KCNMA1: variants seen among roughly 807,000 people sequenced by gnomAD.
The protein encoded by KCNMA1 is Calcium-activated potassium channel subunit alpha-1.
Under a neutral mutation model 140.0 loss-of-function variants are expected in KCNMA1, and 29 were observed. That is an observed-to-expected ratio of 0.21 (90% CI 0.15 to 0.28). The LOEUF is 0.28. Among genes scored for constraint, KCNMA1 ranks in the 10% least tolerant of loss-of-function variants. The probability of loss-of-function intolerance (pLI) is 1.00; values close to 1 mark genes in which losing one functional copy is unlikely to be tolerated. For missense variants in KCNMA1, 880 were observed against 1,602.2 expected (o/e 0.55, Z 7.70); for synonymous variants, 612 against 611.9 (o/e 1.00, Z 0.00).
chr10:77,139,063 A>C (rs2098113990), intron 5 of KCNMA1, among the ~76,000 whole-genome samples: 1 of 152,238 alleles, frequency 6.6e-6, no homozygotes, highest in South Asian at 2.1e-4. Flanking sequence ...CTCACTACCA[A>C]GTGCACCCTC....
downstream of KCNMA1, chr10:76,872,788 G>A (rs149120344): frequency 6.6e-6 from 1 of 152,262 alleles, no homozygotes; most frequent in East Asian, 1.9e-4. Flanking sequence ...GCAGTTCAAT[G>A]CAAACTCTTC....
At position 76,887,254 on chromosome 10, in the gene KCNMA1, T is replaced by C. The variant is rs200370487; in HGVS notation, c.*12A>G. The C allele has an allele frequency of 4.3e-6, 7 of 1,612,650 alleles. No homozygotes were observed. In the East Asian group the frequency reaches 6.7e-5, roughly 15 times the overall value. ...CAGATACAGTTTCACACAGTGGCGG[T>C]GGATACACATATCAAAGCCGCTCTT... On this transcript the variant is annotated 3_prime_UTR_variant, in exon 28 of 28. Coordinates refer to ENST00000286628, the MANE Select transcript of KCNMA1 (RefSeq NM_001161352.2).
intron 2 of KCNMA1, among the ~76,000 whole-genome samples, chr10:77,335,205 G>C (rs2088423029): frequency 6.6e-6 from 1 of 152,176 alleles, no homozygotes; most frequent in African/African-American, 2.4e-5. Context: ...TATAGTTGCA[G>C]GGGTAAATAG....
intron 15 of KCNMA1, among the ~76,000 whole-genome samples, chr10:77,028,876 G>C (rs558669684): frequency 6.6e-6 from 1 of 152,052 alleles, no homozygotes; most frequent in East Asian, 1.9e-4. Context: ...AACAAAAGGT[G>C]CAGTAAAATG....
intron 2 of KCNMA1, among the ~76,000 whole-genome samples, chr10:77,364,007 C>G (rs946740266): frequency 6.6e-6 from 1 of 152,180 alleles, no homozygotes; most frequent in African/African-American, 2.4e-5. Flanking sequence ...TTCTCTCGAC[C>G]AGTTTGCACA....
Position 76,942,881 on chromosome 10 carries a change from A to G in KCNMA1, c.2902+1892T>C, listed in dbSNP as rs2062935123. 1.3e-5 allele frequency among the ~76,000 whole-genome samples: 2 copies of G among 152,142 alleles called. 1 individual carries two copies. The highest frequency in any genetic ancestry group is 4.8e-5 in the African/African-American group (2 of 41,422). On this transcript the variant is annotated intron_variant, in intron 23 of 27. Transcript: ENST00000286628. Reference sequence around the variant, plus strand: ...CACTCCTCCCCAGGAGAGGAGGAGCATCTACCAAGGGTTGGTCACATCCTG... The same window carrying G: ...CACTCCTCCCCAGGAGAGGAGGAGCGTCTACCAAGGGTTGGTCACATCCTG...
At chr10:77,355,918 T>C (rs1233217491) in intron 2 of KCNMA1, among the ~76,000 whole-genome samples, 3 of 152,104 alleles carry the variant, frequency 2.0e-5, no homozygotes, top group Admixed American at 2.0e-4. Context: ...AACTCACGCA[T>C]TACTCAGTGA....
chr10:77,032,272 T>C (rs1016263037), intron 15 of KCNMA1, among the ~76,000 whole-genome samples: 4 of 152,218 alleles, frequency 2.6e-5, no homozygotes, highest in Admixed American at 6.5e-5. Flanking sequence ...CTTGCATCAC[T>C]CAACACCATT....
chr10:77,565,362 A>G (rs577378812), intron 1 of KCNMA1, among the ~76,000 whole-genome samples: 34 of 152,364 alleles, frequency 2.2e-4, no homozygotes, highest in African/African-American at 7.9e-4. Flanking sequence ...ACTTCTGAGC[A>G]CATTTTCCCA....
Position 76,944,762 on chromosome 10 carries a change from G to C in KCNMA1, c.2902+11C>G. ...CAGGCACAGCAAAGAAGTATTACAG[G>C]CTGTCCTTACCTTGGGAATTAGCCT... On this transcript the variant is annotated intron_variant, in intron 23 of 27. Coordinates refer to ENST00000286628, the MANE Select transcript of KCNMA1 (RefSeq NM_001161352.2). 1.2e-6 allele frequency: 2 copies of C among 1,612,658 alleles called. No homozygotes were observed. Among genetic ancestry groups the C allele is most frequent in the South Asian group, 2.2e-5 (2 of 91,050 alleles).
intron 15 of KCNMA1, among the ~76,000 whole-genome samples, chr10:77,038,512 C>G (rs1432873692): frequency 6.6e-6 from 1 of 152,044 alleles, no homozygotes; most frequent in African/African-American, 2.4e-5. Flanking sequence ...GCACAAAGAC[C>G]CCGTTCATCT....
chr10:77,060,536 A>G (rs1595007193), intron 14 of KCNMA1, among the ~76,000 whole-genome samples: 1 of 152,152 alleles, frequency 6.6e-6, no homozygotes, highest in East Asian at 1.9e-4. Context: ...TTGTCCCAGG[A>G]TTGATCACAC....
chr10:76,970,204 C>A, intron 19 of KCNMA1, 137 bp from the exon 20 acceptor site: 1 of 728,952 alleles, frequency 1.4e-6, no homozygotes, highest in South Asian at 1.5e-5. Flanking sequence ...GACCCAATGA[C>A]AAAGACCAAA....
chr10:76,885,765 C>T lies in KCNMA1; in HGVS notation c.*1501G>A. ...CTGCCTAAAGCATGATTTGCATGCACAAAGCATCTGACAACTATATGTTGA... is the reference window on the plus strand; with the variant it reads ...CTGCCTAAAGCATGATTTGCATGCATAAAGCATCTGACAACTATATGTTGA... On this transcript the variant is annotated 3_prime_UTR_variant, in exon 28 of 28. Coordinates refer to ENST00000286628, the MANE Select transcript of KCNMA1 (RefSeq NM_001161352.2). 1.0e-6 allele frequency: 1 copy of T among 985,162 alleles called. No individual in the cohort carries two copies. Among genetic ancestry groups the T allele is most frequent in the Non-Finnish European group, 1.2e-6 (1 of 829,804 alleles). 61.0% of individuals were successfully genotyped at this position (985,162 alleles called of 1,614,324 possible). A position where few individuals can be genotyped will look rare whatever the true frequency, so the allele number is the denominator to read the frequency against.
At chr10:77,503,417 G>C (rs2044638638) in intron 1 of KCNMA1, among the ~76,000 whole-genome samples, 1 of 151,948 alleles carries the variant, frequency 6.6e-6, no homozygotes, top group South Asian at 2.1e-4. Context: ...CTTCACTTCT[G>C]ACATTCTAGA....
intron 1 of KCNMA1, among the ~76,000 whole-genome samples, chr10:77,496,758 G>C (rs1008121774): frequency 5.4e-4 from 82 of 152,070 alleles, no homozygotes; most frequent in African/African-American, 1.9e-3. Flanking sequence ...TAAGGTAACT[G>C]AAGTTCAGCT....
At chr10:77,025,515 C>T (rs2093367591) in intron 16 of KCNMA1, 4 of 1,361,600 alleles carry the variant, frequency 2.9e-6, no homozygotes, top group African/African-American at 1.4e-5. Context: ...AATCGACTGA[C>T]ACCAGAAGGA....
chr10:77,597,034 T>G (rs1031968048), intron 1 of KCNMA1, among the ~76,000 whole-genome samples: 2 of 152,184 alleles, frequency 1.3e-5, no homozygotes, highest in Non-Finnish European at 2.9e-5. Flanking sequence ...CAGTGTCTAT[T>G]AATATTCTAT....
chr10:77,313,970 G>A (rs1320993826), intron 2 of KCNMA1: 1 of 152,158 alleles, frequency 6.6e-6, no homozygotes. Context: ...CATGAGATCA[G>A]TTTCATGAGT....
Sources: allele counts gnomAD v4.1 joint callset (sites outside exome capture counted in the v4.1 genomes callset), GRCh38; gene constraint gnomAD v4.1.1; transcripts MANE v1.5; gene names NCBI Gene and HGNC (gene_info 2026-07-23, HGNC 2026-07-21).